Variants in MAP2K6 observed in about 807,000 individuals in gnomAD.
The protein encoded by MAP2K6 is dual specificity mitogen-activated protein kinase kinase 6.
In MAP2K6, 16 loss-of-function variants were observed where a neutral mutation model predicts 53.7. The ratio of observed to expected loss-of-function variants is 0.30; its 90% CI spans 0.20 to 0.45. The LOEUF is 0.45. MAP2K6 is among the 20% of genes least tolerant of loss of function. The probability of loss-of-function intolerance (pLI) is 1.00; values close to 1 mark genes in which losing one functional copy is unlikely to be tolerated. For missense variants in MAP2K6, 204 were observed against 411.9 expected (o/e 0.50, Z 4.37); for synonymous variants, 132 against 143.1 (o/e 0.92, Z 0.55).
At chr17:69,487,256 A>C (rs1222602891) in intron 1 of MAP2K6, among the ~76,000 whole-genome samples, 1 of 152,222 alleles carries the variant, frequency 6.6e-6, no homozygotes, top group Non-Finnish European at 1.5e-5. Context: ...ACTAAATACA[A>C]TTATATGGGA....
chr17:69,452,337 G>A (rs1399048225), intron 1 of MAP2K6, among the ~76,000 whole-genome samples: 1 of 151,996 alleles, frequency 6.6e-6, no homozygotes, highest in Non-Finnish European at 1.5e-5. Flanking sequence ...ATGATATTAG[G>A]AGTAAGGGAA....
rs1912000052 is a variant in MAP2K6, at chr17:69,549,255, A to G, written c.*7502A>G. 6.6e-6 allele frequency: 1 copy of G among 152,162 alleles called. No individual in the cohort carries two copies. Among genetic ancestry groups the G allele is most frequent in the African/African-American group, 2.4e-5 (1 of 41,460 alleles). 9.4% of individuals were successfully genotyped at this position (152,162 alleles called of 1,614,324 possible). ...TGCTCCATAGCTTTCTCCAGTTTAC[A>G]CTTTTGCATTTCTGAGATTCAGGGT... On this transcript the variant is annotated 3_prime_UTR_variant, in exon 12 of 12. Coordinates refer to ENST00000590474, the MANE Select transcript of MAP2K6 (RefSeq NM_002758.4).
intron 1 of MAP2K6, among the ~76,000 whole-genome samples, chr17:69,464,326 G>A (rs1907725557): frequency 1.3e-5 from 2 of 152,000 alleles, no homozygotes; most frequent in Admixed American, 1.3e-4. Context: ...GTTTAGTATA[G>A]TGCTTTCCCC....
Position 69,542,246 on chromosome 17 carries a change from T to A in MAP2K6, c.*493T>A, listed in dbSNP as rs1007833204. On this transcript the variant is annotated 3_prime_UTR_variant, in exon 12 of 12. Coordinates refer to ENST00000590474, the MANE Select transcript of MAP2K6 (RefSeq NM_002758.4). ...GTTAGCAATATTTATAGGGCTTTTA[T>A]TTTTTAAGTTCAATTGTGTCTGTGG... 1 of 152,676 alleles carries A rather than the reference T, an allele frequency of 6.5e-6. No homozygotes were observed. Among genetic ancestry groups the A allele is most frequent in the Non-Finnish European group, 1.5e-5 (1 of 68,044 alleles). The allele number at this position is 152,676 out of a possible 1,614,324, so 9.5% of individuals were successfully genotyped here.
chr17:69,514,266 T>A (rs745626240), intron 2 of MAP2K6, among the ~76,000 whole-genome samples: 3 of 152,222 alleles, frequency 2.0e-5, no homozygotes, highest in Non-Finnish European at 4.4e-5. Flanking sequence ...GCTTTGGAAA[T>A]CTTGAGAAAG....
Position 69,551,077 on chromosome 17 carries a change from G to A in MAP2K6, c.*9324G>A, listed in dbSNP as rs1912079473. The A allele has an allele frequency of 2.0e-5, 3 of 152,210 alleles. No homozygotes were observed. In the South Asian group the frequency reaches 6.2e-4, roughly 32 times the overall value. The allele number at this position is 152,210 out of a possible 1,614,324, so 9.4% of individuals were successfully genotyped here. A position where few individuals can be genotyped will look rare whatever the true frequency, so the allele number is the denominator to read the frequency against. On this transcript the variant is annotated 3_prime_UTR_variant, in exon 12 of 12. Coordinates refer to ENST00000590474, the MANE Select transcript of MAP2K6 (RefSeq NM_002758.4). ...TTACATGCGACATTTTCCTAAAGTG[G>A]TTGAGAATGACCTGATCTTTGTTCA... is the stretch of plus-strand genomic sequence containing the variant.
intron 9 of MAP2K6, among the ~76,000 whole-genome samples, chr17:69,525,818 C>G (rs771663646): frequency 1.1e-4 from 17 of 152,174 alleles, no homozygotes; most frequent in Non-Finnish European, 7.4e-5. Flanking sequence ...GGACACAGCC[C>G]AACCGTATCA....
rs796328607 is a variant in MAP2K6 at position 69,474,024 on chromosome 17, G to A, written c.17-31756G>A. Among the ~76,000 whole-genome samples the A allele has an allele frequency of 1.8e-4, 28 of 152,296 alleles. 1 individual carries two copies. The highest frequency in any genetic ancestry group is 6.7e-4 in the African/African-American group (28 of 41,562). ...AAGCATGCAAATAAATGCTCCTAAT[G>A]CCTTAGCTCAGAGTAAACATCAGTT... is the stretch of plus-strand genomic sequence containing the variant. On this transcript the variant is annotated intron_variant, in intron 1 of 11. Transcript: ENST00000590474.
intron 1 of MAP2K6, among the ~76,000 whole-genome samples, chr17:69,472,926 C>T (rs923625385): frequency 3.3e-5 from 5 of 152,266 alleles, no homozygotes; most frequent in Middle Eastern, 3.4e-3. Flanking sequence ...AGGCTGGTCT[C>T]GAACTCCTGG....
chr17:69,454,798 T>A (rs1329387148), intron 1 of MAP2K6, among the ~76,000 whole-genome samples: 2 of 152,168 alleles, frequency 1.3e-5, no homozygotes, highest in African/African-American at 2.4e-5. Context: ...GACTATTTGA[T>A]AAAAATATGT....
chr17:69,440,091 A>G (rs571427372), intron 1 of MAP2K6, among the ~76,000 whole-genome samples: 8 of 152,182 alleles, frequency 5.3e-5, no homozygotes, highest in African/African-American at 1.7e-4. Flanking sequence ...TCTGTCACCC[A>G]TGCTGGAGTG....
intron 1 of MAP2K6, among the ~76,000 whole-genome samples, chr17:69,487,458 T>G (rs1598285490): frequency 6.6e-6 from 1 of 152,238 alleles, no homozygotes; most frequent in South Asian, 2.1e-4. Context: ...GAGCAACCAC[T>G]TGTTAATAAG....
chr17:69,415,929 G>A (rs1398309507), intron 1 of MAP2K6, among the ~76,000 whole-genome samples: 1 of 151,968 alleles, frequency 6.6e-6, no homozygotes, highest in Admixed American at 6.5e-5. Flanking sequence ...GTATTTTGCA[G>A]GCTTAATGTC....
intron 1 of MAP2K6, among the ~76,000 whole-genome samples, chr17:69,472,639 T>C (rs1234674336): frequency 6.6e-6 from 1 of 152,216 alleles, no homozygotes; most frequent in Non-Finnish European, 1.5e-5. Context: ...TACTCTGAGC[T>C]ACTGGGATAA....
intron 1 of MAP2K6, among the ~76,000 whole-genome samples, chr17:69,449,609 C>CT (rs757595417): frequency 0.035 from 2,479 of 70,016 alleles, 432 homozygotes; most frequent in African/African-American, 0.074. Flanking sequence ...CTTTCTCTCT[C>CT]TTTTTTTTTT....
At chr17:69,502,284 G>C in intron 1 of MAP2K6, 1 of 985,432 alleles carries the variant, frequency 1.0e-6, no homozygotes, top group South Asian at 4.7e-5. Context: ...CCTTGCCGAA[G>C]TGTGGTCTTT....
chr17:69,526,797 C>T, intron 10 of MAP2K6, 88 bp downstream of exon 10: 1 of 1,447,386 alleles, frequency 6.9e-7, no homozygotes, highest in Non-Finnish European at 9.3e-7. Flanking sequence ...ATCCATCATG[C>T]ATACATTCAT....
At chr17:69,539,203 G>C (rs2144868933) in intron 11 of MAP2K6, among the ~76,000 whole-genome samples, 1 of 152,312 alleles carries the variant, frequency 6.6e-6, no homozygotes, top group African/African-American at 2.4e-5. Flanking sequence ...CTGTGCATGG[G>C]ACAGGGAGAC....
At chr17:69,531,970 C>T (rs1911106287) in intron 10 of MAP2K6, among the ~76,000 whole-genome samples, 1 of 152,156 alleles carries the variant, frequency 6.6e-6, no homozygotes, top group African/African-American at 2.4e-5. Context: ...ATTATAAACT[C>T]TTCCTATAGG....
Sources: allele counts gnomAD v4.1 joint callset (sites outside exome capture counted in the v4.1 genomes callset), GRCh38; gene constraint gnomAD v4.1.1; transcripts MANE v1.5; gene names NCBI Gene and HGNC (gene_info 2026-07-23, HGNC 2026-07-21).